ACSBG1: variants seen among roughly 807,000 people sequenced by gnomAD.
ACSBG1 encodes acyl-CoA synthetase bubblegum family member 1.
ACSBG1 carries 39 observed loss-of-function variants against 80.2 expected under a neutral mutation model. The observed-to-expected ratio is 0.49, with a 90% CI of 0.38 to 0.64. The LOEUF is 0.64. Among genes scored for constraint, ACSBG1 ranks in the 30% least tolerant of loss-of-function variants. ACSBG1 has a pLI of 0.00. For synonymous variants in ACSBG1, 392 were observed against 379.5 expected (o/e 1.03, Z -0.38); for missense variants, 828 against 966.4 (o/e 0.86, Z 1.90).
intron 2 of ACSBG1, among the ~76,000 whole-genome samples, chr15:78,205,938 G>A (rs2075209659): frequency 6.6e-6 from 1 of 152,272 alleles, no homozygotes; most frequent in East Asian, 1.9e-4. Context: ...AAGAGTCCAA[G>A]CTCCGCTCCA....
intron 10 of ACSBG1, 38 bp downstream of exon 10, chr15:78,179,512 G>A (rs781224514): frequency 1.0e-5 from 16 of 1,570,784 alleles, no homozygotes; most frequent in East Asian, 2.3e-5. Context: ...CAGCAAGGGC[G>A]CATGGGTGTG....
At chr15:78,219,303 G>A (rs1374838916) in intron 1 of ACSBG1, among the ~76,000 whole-genome samples, 1 of 151,856 alleles carries the variant, frequency 6.6e-6, no homozygotes, top group Non-Finnish European at 1.5e-5. Flanking sequence ...AGCTACTTGG[G>A]AGGCTAAGGC....
At position 78,167,647 on chromosome 15, in the gene ACSBG1, C is replaced by T. The variant is rs545540512; in HGVS notation, c.*3797G>A. On this transcript the variant is annotated 3_prime_UTR_variant, in exon 14 of 14. Coordinates refer to ENST00000258873, the MANE Select transcript of ACSBG1 (RefSeq NM_015162.5). ...TTTTCTCAAACTGAGACTCTGCACC[C>T]GTTAAACAGTAACTTTCCCTTCCCC... The T allele has an allele frequency of 6.6e-6, 1 of 152,316 alleles. No homozygotes were observed. Among genetic ancestry groups the T allele is most frequent in the East Asian group, 1.9e-4 (1 of 5,188 alleles). The allele number at this position is 152,316 out of a possible 1,614,324, so 9.4% of individuals were successfully genotyped here.
intron 5 of ACSBG1, among the ~76,000 whole-genome samples, chr15:78,183,971 T>C (rs557424874): frequency 1.3e-5 from 2 of 152,058 alleles, no homozygotes; most frequent in South Asian, 4.2e-4. Context: ...AAGAAATAAG[T>C]TAGCCCAAGA....
Position 78,171,419 on chromosome 15 carries a change from T to C in ACSBG1, c.*25A>G, listed in dbSNP as rs375386246. 81 of 1,600,782 alleles carry C rather than the reference T, an allele frequency of 5.1e-5. No homozygotes were observed. Among genetic ancestry groups the C allele is most frequent in the Non-Finnish European group, 6.6e-5 (77 of 1,168,230 alleles). ...CTCGGAACGCCTGCCCTCTATTCTA[T>C]AGAAACTGCAGGCATAGGCCCTGAT... On this transcript the variant is annotated 3_prime_UTR_variant, in exon 14 of 14. Transcript: ENST00000258873.
At chr15:78,219,707 G>A (rs547776466) in intron 1 of ACSBG1, among the ~76,000 whole-genome samples, 110 of 152,308 alleles carry the variant, frequency 7.2e-4, no homozygotes, top group Admixed American at 1.8e-3. Flanking sequence ...AGACCTGGCC[G>A]GGCGCGGTGG....
Position 78,194,511 on chromosome 15 carries a change from G to C in ACSBG1, c.448C>G (p.Leu150Val). The change falls in exon 3 of 14, where the codon CTG (leucine) becomes GTG (valine). Residue 150 changes from leucine (L) to valine (V), a missense_variant. Transcript: ENST00000258873. ...LLARRAAKGF[L>V]KLGLKQAHSV... ...GCCATGAGGGGCCCCCTTACCTTCA[G>C]GAAGCCCTTGGCGGCTCTGCGGGCG... The C allele has an allele frequency of 6.2e-7, 1 of 1,614,032 alleles. No individual in the cohort carries two copies. Among genetic ancestry groups the C allele is most frequent in the Non-Finnish European group, 8.5e-7 (1 of 1,179,948 alleles).
Position 78,167,723 on chromosome 15 carries a change from C to T in ACSBG1, c.*3721G>A, listed in dbSNP as rs1339736332. 6.6e-6 allele frequency: 1 copy of T among 152,226 alleles called. No homozygotes were observed. Among genetic ancestry groups the T allele is most frequent in the African/African-American group, 2.4e-5 (1 of 41,444 alleles). 9.4% of individuals were successfully genotyped at this position (152,226 alleles called of 1,614,324 possible). On this transcript the variant is annotated 3_prime_UTR_variant, in exon 14 of 14. Transcript: ENST00000258873. ...CTGCTTCCTGTCTCTATGAATTTGA[C>T]TACTCTAGGTACCTCATGTAAGTGG...
At chr15:78,215,682 G>A (rs1462952299) in intron 1 of ACSBG1, among the ~76,000 whole-genome samples, 1 of 141,072 alleles carries the variant, frequency 7.1e-6, no homozygotes, top group East Asian at 2.1e-4. Context: ...AAGAAGAGAA[G>A]GGAAGGGAAA....
chr15:78,225,752 A>T (rs138282848), intron 1 of ACSBG1, among the ~76,000 whole-genome samples: 1 of 152,310 alleles, frequency 6.6e-6, no homozygotes, highest in East Asian at 1.9e-4. Flanking sequence ...ATTATGTAAC[A>T]AATATCCCAA....
intron 1 of ACSBG1, among the ~76,000 whole-genome samples, 199 bp downstream of exon 1, chr15:78,234,172 G>A (rs2075473523): frequency 6.6e-6 from 1 of 152,216 alleles, no homozygotes; most frequent in African/African-American, 2.4e-5. Flanking sequence ...TCTTTGATGA[G>A]CCTTTCTTAG....
Position 78,173,764 on chromosome 15 carries a change from C to T in ACSBG1, c.1918G>A (p.Gly640Ser). The T allele has an allele frequency of 6.2e-7, 1 of 1,614,166 alleles. No homozygotes were observed. Among genetic ancestry groups the T allele is most frequent in the Non-Finnish European group, 8.5e-7 (1 of 1,180,048 alleles). The change falls in exon 13 of 14, where the codon GGC becomes AGC. Residue 640 changes from glycine (G) to serine (S), a missense_variant. Physicochemically the swap from Gly to Ser is moderately conservative, Grantham distance 56. This residue lies in a region of ACSBG1 where 201 missense variants were observed against 227.0 expected (regional missense o/e 0.89). Transcript: ENST00000258873. ...TCGGACACTGTGGTGGCTCTGCTGC[C>T]CACCCTCTGGCAGAACTCCATAGCT... Reference protein sequence around the residue: ...EQAMEFCQRVGSRATTVSEII... With the variant: ...EQAMEFCQRVSSRATTVSEII...
intron 1 of ACSBG1, among the ~76,000 whole-genome samples, chr15:78,211,187 T>C (rs963229377): frequency 2.6e-5 from 4 of 152,266 alleles, no homozygotes; most frequent in African/African-American, 9.6e-5. Context: ...TGGGCCCTTC[T>C]CCTGATTCTT....
chr15:78,180,719 C>A (rs201408176), intron 9 of ACSBG1, 36 bp downstream of exon 9: 8 of 1,599,800 alleles, frequency 5.0e-6, no homozygotes, highest in Non-Finnish European at 6.8e-6. Context: ...CCAGCCCACT[C>A]TCTCCCCAGG....
intron 5 of ACSBG1, among the ~76,000 whole-genome samples, chr15:78,186,936 T>C (rs1447739536): frequency 1.3e-5 from 2 of 151,558 alleles, no homozygotes; most frequent in African/African-American, 4.9e-5. Context: ...GCAAGACTAA[T>C]AAAGAAGAAA....
At chr15:78,225,438 T>TAAATAAATAAATAA (rs1555434754) in intron 1 of ACSBG1, among the ~76,000 whole-genome samples, 7 of 131,180 alleles carry the variant, frequency 5.3e-5, no homozygotes, top group Admixed American at 3.8e-4. Flanking sequence ...TAAATAAAAA[T>TAAATAAATAAATAA]AAATTAAAAA....
chr15:78,184,977 C>A lies in ACSBG1; in HGVS notation c.664-2192G>T, dbSNP rs529454995. On this transcript the variant is annotated intron_variant, in intron 5 of 13. Coordinates refer to ENST00000258873, the MANE Select transcript of ACSBG1 (RefSeq NM_015162.5). ...TGTGCCCCAGCTTTCTGCCCAGGGG[C>A]AATTTTTGAGCTATGGGAGAGACAG... 8.8e-5 allele frequency among the ~76,000 whole-genome samples: 13 copies of A among 147,398 alleles called. No homozygotes were observed. In the Admixed American group the frequency reaches 8.9e-4, roughly 10 times the overall value.
chr15:78,207,917 T>TCCCCCCCCCCCCCCCCCCCCCCCCCCCAC, intron 2 of ACSBG1, 85 bp downstream of exon 2: 10 of 876,064 alleles, frequency 1.1e-5, no homozygotes, highest in Admixed American at 2.0e-5. Context: ...TGTGTGGTGG[T>TCCCCCCCCCCCCCCCCCCCCCCCCCCCAC]CCCCCACACC....
At chr15:78,218,090 C>T (rs979906497) in intron 1 of ACSBG1, among the ~76,000 whole-genome samples, 2 of 152,234 alleles carry the variant, frequency 1.3e-5, no homozygotes, top group South Asian at 2.1e-4. Context: ...GTACCGCAAG[C>T]GTGACTTTAG....
Sources: allele counts gnomAD v4.1 joint callset (sites outside exome capture counted in the v4.1 genomes callset), GRCh38; gene constraint gnomAD v4.1.1; regional missense constraint gnomAD v4.1.1; transcripts MANE v1.5; gene names NCBI Gene and HGNC (gene_info 2026-07-23, HGNC 2026-07-21).